The following POU6F2 variants were observed in gnomAD, a reference collection of about 807,000 sequenced individuals.
POU6F2 encodes the protein POU class 6 homeobox 2.
In POU6F2, 31 loss-of-function variants were observed where a neutral mutation model predicts 71.3. The ratio of observed to expected loss-of-function variants is 0.43; its 90% CI spans 0.33 to 0.59. The LOEUF (loss-of-function observed/expected upper bound fraction) is 0.59. Ranked by LOEUF, POU6F2 falls within the 20% of genes least tolerant of loss-of-function variation. POU6F2 has a pLI of 0.04. For synonymous variants in POU6F2, 347 were observed against 355.7 expected (o/e 0.98, Z 0.27); for missense variants, 783 against 856.8 (o/e 0.91, Z 1.07).
chr7:39,301,191 C>G (rs1472085834), intron 4 of POU6F2, among the ~76,000 whole-genome samples: 1 of 152,140 alleles, frequency 6.6e-6, no homozygotes, highest in East Asian at 1.9e-4. Flanking sequence ...TGATGCATTT[C>G]TAGAAGTTTG....
intron 4 of POU6F2, among the ~76,000 whole-genome samples, chr7:39,277,209 C>G (rs1162375365): frequency 6.6e-6 from 1 of 152,064 alleles, no homozygotes; most frequent in African/African-American, 2.4e-5. Flanking sequence ...AATCCTGTCA[C>G]TAATAAATCA....
intron 4 of POU6F2, among the ~76,000 whole-genome samples, chr7:39,322,274 C>T (rs1232452513): frequency 6.6e-6 from 1 of 152,174 alleles, no homozygotes; most frequent in Non-Finnish European, 1.5e-5. Context: ...CTCACTTGCA[C>T]CTTATGCTTT....
At chr7:39,263,030 C>A (rs1290493106) in intron 4 of POU6F2, among the ~76,000 whole-genome samples, 1 of 152,118 alleles carries the variant, frequency 6.6e-6, no homozygotes, top group African/African-American at 2.4e-5. Context: ...CAATTTGTAT[C>A]CTCTTGTTGT....
At chr7:39,036,488 A>G (rs918871609) in intron 1 of POU6F2, among the ~76,000 whole-genome samples, 28 of 152,118 alleles carry the variant, frequency 1.8e-4, no homozygotes, top group African/African-American at 6.5e-4. Context: ...ACTAAATACA[A>G]AATTTAACTT....
At chr7:39,059,681 A>G (rs773414805) in intron 1 of POU6F2, among the ~76,000 whole-genome samples, 11 of 152,178 alleles carry the variant, frequency 7.2e-5, no homozygotes, top group Non-Finnish European at 1.3e-4. Flanking sequence ...TCCTAAATCT[A>G]TTTCTAAGAG....
In POU6F2 at chr7:39,000,737, G is replaced by A. The variant is rs147534382; in HGVS notation, c.105+22679G>A. On this transcript the variant is annotated intron_variant, in intron 1 of 9. Coordinates refer to ENST00000518318, the MANE Select transcript of POU6F2 (RefSeq NM_001370959.1). ...TATAGAGTATCTAGAAAAGATCAGG[G>A]TCAACAGAGACTTGACTTCCCACTC... is the stretch of plus-strand genomic sequence containing the variant. Among the ~76,000 whole-genome samples, 267 of 152,260 alleles carry A rather than the reference G, an allele frequency of 1.8e-3. 1 individual carries two copies. The highest frequency in any genetic ancestry group is 2.9e-3 in the Non-Finnish European group (194 of 68,016).
intron 2 of POU6F2, among the ~76,000 whole-genome samples, chr7:39,194,855 G>C (rs1239039251): frequency 6.6e-6 from 1 of 152,030 alleles, no homozygotes; most frequent in African/African-American, 2.4e-5. Context: ...AGCAATTCTG[G>C]ACGTGCCACC....
At chr7:39,198,709 C>A (rs951931447) in intron 2 of POU6F2, among the ~76,000 whole-genome samples, 1 of 152,198 alleles carries the variant, frequency 6.6e-6, no homozygotes, top group Non-Finnish European at 1.5e-5. Flanking sequence ...CTACAGTGTT[C>A]TGTACATAAA....
chr7:39,077,757 T>G (rs1273814623), intron 1 of POU6F2, among the ~76,000 whole-genome samples: 1 of 152,254 alleles, frequency 6.6e-6, no homozygotes, highest in East Asian at 1.9e-4. Context: ...TTATTTTTTT[T>G]CTTTCAAGAT....
At chr7:39,175,824 G>A (rs1009607123) in intron 2 of POU6F2, among the ~76,000 whole-genome samples, 1 of 151,934 alleles carries the variant, frequency 6.6e-6, no homozygotes, top group African/African-American at 2.4e-5. Flanking sequence ...TCACTCAGAA[G>A]ACCCCACTCC....
At chr7:39,447,576 G>C (rs1455241446) in intron 7 of POU6F2, among the ~76,000 whole-genome samples, 3 of 152,120 alleles carry the variant, frequency 2.0e-5, no homozygotes, top group Non-Finnish European at 4.4e-5. Flanking sequence ...ACTATTGCCA[G>C]GATTTTAAAT....
chr7:39,199,174 G>T (rs1793844107), intron 2 of POU6F2, among the ~76,000 whole-genome samples: 1 of 152,204 alleles, frequency 6.6e-6, no homozygotes, highest in African/African-American at 2.4e-5. Context: ...TACTTTGGAG[G>T]GATCGCTGAC....
At chr7:39,427,372 A>C (rs1311007328) in intron 6 of POU6F2, among the ~76,000 whole-genome samples, 1 of 152,202 alleles carries the variant, frequency 6.6e-6, no homozygotes, top group Non-Finnish European at 1.5e-5. Context: ...TTTCCTTGGT[A>C]CACATCTTAA....
At chr7:39,121,748 G>T (rs918716794) in intron 2 of POU6F2, among the ~76,000 whole-genome samples, 1 of 152,120 alleles carries the variant, frequency 6.6e-6, no homozygotes, top group Non-Finnish European at 1.5e-5. Flanking sequence ...ACCCAGGCTG[G>T]AGTGCAGTGG....
chr7:39,046,507 T>C (rs1790294890), intron 1 of POU6F2, among the ~76,000 whole-genome samples: 1 of 151,948 alleles, frequency 6.6e-6, no homozygotes, highest in Admixed American at 6.6e-5. Context: ...GAATTCCTTA[T>C]ATAACCCAAG....
intron 4 of POU6F2, chr7:39,329,152 A>T (rs961643339): frequency 4.6e-5 from 7 of 151,536 alleles, no homozygotes; most frequent in African/African-American, 1.5e-4. Flanking sequence ...TGTCTTTAAT[A>T]TGGCTTGGTG....
chr7:39,003,242 CT>C (rs905009699), intron 1 of POU6F2, among the ~76,000 whole-genome samples: 103 of 148,484 alleles, frequency 6.9e-4, no homozygotes, highest in African/African-American at 2.2e-3. Flanking sequence ...AAAACATTTT[CT>C]TTTTTTTTTC....
intron 4 of POU6F2, among the ~76,000 whole-genome samples, chr7:39,291,754 T>C (rs1232601548): frequency 6.6e-6 from 1 of 152,098 alleles, no homozygotes; most frequent in Non-Finnish European, 1.5e-5. Context: ...AAGTCCCAGA[T>C]AATGAGGAAG....
At chr7:39,331,286 C>T (rs1785642973) in intron 4 of POU6F2, among the ~76,000 whole-genome samples, 1 of 152,164 alleles carries the variant, frequency 6.6e-6, no homozygotes, top group African/African-American at 2.4e-5. Context: ...TTTGTATATA[C>T]ATCTAATAGT....
Sources: gnomAD v4.1 joint callset for allele counts (sites outside exome capture counted in the v4.1 genomes callset) on GRCh38, gnomAD v4.1.1 for gene constraint, MANE v1.5 for transcripts, NCBI Gene and HGNC (gene_info 2026-07-23, HGNC 2026-07-21) for gene names.